Variants in SRGAP1 observed in about 807,000 individuals in gnomAD.
SRGAP1 encodes the protein SLIT-ROBO Rho GTPase-activating protein 1.
Under a neutral mutation model 121.9 loss-of-function variants are expected in SRGAP1, and 43 were observed. That is an observed-to-expected ratio of 0.35 (90% CI 0.28 to 0.46). The LOEUF (loss-of-function observed/expected upper bound fraction) is 0.46. SRGAP1 is among the 20% of genes least tolerant of loss of function. SRGAP1 has a pLI of 1.00. For synonymous variants in SRGAP1, 447 were observed against 485.4 expected (o/e 0.92, Z 1.04); for missense variants, 1,102 against 1,350.9 (o/e 0.82, Z 2.89).
Position 63,857,782 on chromosome 12 carries a change from G to A in SRGAP1, c.67+12899G>A, listed in dbSNP as rs111675055. On this transcript the variant is annotated intron_variant, in intron 1 of 21. Coordinates refer to ENST00000355086, the MANE Select transcript of SRGAP1 (RefSeq NM_020762.4). ...ACACTCATTATTTATAAATAAAGAT[G>A]ATTTTATTTTCTCATTTATAAGCCC... 7.6e-4 allele frequency among the ~76,000 whole-genome samples: 115 copies of A among 152,228 alleles called. 1 individual carries two copies. Among genetic ancestry groups the A allele is most frequent in the African/African-American group, 2.7e-3 (113 of 41,554 alleles).
intron 1 of SRGAP1, among the ~76,000 whole-genome samples, chr12:63,864,642 A>G (rs1899562332): frequency 1.3e-5 from 2 of 152,216 alleles, no homozygotes; most frequent in Admixed American, 1.3e-4. Context: ...AATGCTCAAA[A>G]TATGTGAAAG....
At chr12:64,141,272 T>TAA (rs977006357) in intron 21 of SRGAP1, among the ~76,000 whole-genome samples, 5 of 48,212 alleles carry the variant, frequency 1.0e-4, no homozygotes, top group Admixed American at 2.0e-4. Flanking sequence ...TAAAGTATAA[T>TAA]AAAAAAAAAA....
chr12:64,138,853 T>G (rs2036907637), intron 21 of SRGAP1, among the ~76,000 whole-genome samples: 1 of 152,116 alleles, frequency 6.6e-6, no homozygotes, highest in South Asian at 2.1e-4. Context: ...GTTAATTGAG[T>G]TAACTCAAAT....
At position 64,033,318 on chromosome 12, in the gene SRGAP1, A is replaced by C. The variant is rs916422206; in HGVS notation, c.490-9472A>C. 3.9e-5 allele frequency among the ~76,000 whole-genome samples: 6 copies of C among 152,136 alleles called. 1 individual carries two copies. Among genetic ancestry groups the C allele is most frequent in the Admixed American group, 2.0e-4 (3 of 15,262 alleles). ...AAATTCAAACTGTTATGCTGATTTC[A>C]TTTCAGTGGAGTCACAACGTATCTC... On this transcript the variant is annotated intron_variant, in intron 4 of 21. Coordinates refer to ENST00000355086, the MANE Select transcript of SRGAP1 (RefSeq NM_020762.4).
intron 1 of SRGAP1, among the ~76,000 whole-genome samples, chr12:63,852,870 T>G (rs1307107122): frequency 6.6e-6 from 1 of 152,138 alleles, no homozygotes; most frequent in Non-Finnish European, 1.5e-5. Flanking sequence ...AATCATTGTC[T>G]GTGCATCTCC....
intron 1 of SRGAP1, among the ~76,000 whole-genome samples, chr12:63,936,736 G>T (rs141663028): frequency 1.0e-3 from 154 of 152,214 alleles, no homozygotes; most frequent in Non-Finnish European, 1.4e-3. Context: ...AGTTTGAATT[G>T]GGCCCAAAGT....
intron 3 of SRGAP1, among the ~76,000 whole-genome samples, chr12:64,010,784 A>G (rs1223900063): frequency 6.6e-6 from 1 of 151,988 alleles, no homozygotes; most frequent in Non-Finnish European, 1.5e-5. Flanking sequence ...CTTTTTTGTC[A>G]GTGGAAAAAC....
At chr12:63,928,014 A>G (rs1478328482) in intron 1 of SRGAP1, among the ~76,000 whole-genome samples, 1 of 152,128 alleles carries the variant, frequency 6.6e-6, no homozygotes, top group African/African-American at 2.4e-5. Flanking sequence ...CTTGATGTCT[A>G]ACAGAACCAG....
chr12:63,880,579 G>A (rs1489016611), intron 1 of SRGAP1, among the ~76,000 whole-genome samples: 6 of 151,898 alleles, frequency 4.0e-5, no homozygotes, highest in Admixed American at 6.6e-5. Flanking sequence ...GTATTTCTTC[G>A]TAGCAGTATG....
chr12:64,101,827 T>TTTTCATTCC (rs1279396458), intron 15 of SRGAP1, among the ~76,000 whole-genome samples: 1 of 152,186 alleles, frequency 6.6e-6, no homozygotes, highest in Non-Finnish European at 1.5e-5. Context: ...AGATGAAACT[T>TTTTCATTCC]TTTCATTCCA....
chr12:63,983,841 T>TAAATAAAA (rs2033338470), intron 1 of SRGAP1, 106 bp from the exon 2 acceptor site: 1 of 106,716 alleles, frequency 9.4e-6, no homozygotes, highest in Non-Finnish European at 1.8e-5. Context: ...TATATATATA[T>TAAATAAAA]ATATATATAT....
intron 1 of SRGAP1, among the ~76,000 whole-genome samples, chr12:63,858,947 C>A (rs1899349957): frequency 6.6e-6 from 1 of 152,178 alleles, no homozygotes; most frequent in Admixed American, 6.5e-5. Flanking sequence ...AGGTGATCCA[C>A]CCGCCTCGGC....
chr12:63,943,328 G>A (rs2031929857), intron 1 of SRGAP1, among the ~76,000 whole-genome samples: 1 of 152,214 alleles, frequency 6.6e-6, no homozygotes, highest in East Asian at 1.9e-4. Flanking sequence ...TACCATCAAA[G>A]AGAAATCTTT....
intron 1 of SRGAP1, among the ~76,000 whole-genome samples, chr12:63,891,912 G>A (rs1300738875): frequency 2.0e-5 from 3 of 149,030 alleles, no homozygotes; most frequent in Admixed American, 6.8e-5. Context: ...CTTGAACCCA[G>A]GAGGCAGAGG....
chr12:64,010,346 G>A (rs1023413634), intron 3 of SRGAP1, among the ~76,000 whole-genome samples: 1 of 152,088 alleles, frequency 6.6e-6, no homozygotes, highest in Non-Finnish European at 1.5e-5. Context: ...GTACTCATAC[G>A]TGGTTGTTTT....
At chr12:63,961,988 A>G (rs1048863371) in intron 1 of SRGAP1, among the ~76,000 whole-genome samples, 7 of 152,158 alleles carry the variant, frequency 4.6e-5, no homozygotes, top group Admixed American at 3.9e-4. Context: ...GAGGAAATTA[A>G]ATGATCTGGG....
At chr12:63,947,475 G>A (rs530967300) in intron 1 of SRGAP1, among the ~76,000 whole-genome samples, 1 of 152,264 alleles carries the variant, frequency 6.6e-6, no homozygotes, top group Non-Finnish European at 1.5e-5. Context: ...GTTAATTTTG[G>A]TTTATGGTGT....
chr12:64,081,510 A>G lies in SRGAP1; in HGVS notation c.1408+1140A>G, dbSNP rs377142494. 1.3e-4 allele frequency: 20 copies of G among 152,202 alleles called. No homozygotes were observed. In the East Asian group the frequency reaches 3.7e-3, roughly 28 times the overall value. The allele number at this position is 152,202 out of a possible 1,614,324, so 9.4% of individuals were successfully genotyped here. ...ACAACGCAAACTACTAAAAAGTGTC[A>G]TTAAAAAATAAAATAACCAAATACA... On this transcript the variant is annotated intron_variant, in intron 10 of 21. Coordinates refer to ENST00000355086, the MANE Select transcript of SRGAP1 (RefSeq NM_020762.4).
chr12:64,021,660 A>G (rs2034552618), intron 4 of SRGAP1, among the ~76,000 whole-genome samples: 1 of 152,220 alleles, frequency 6.6e-6, no homozygotes, highest in Non-Finnish European at 1.5e-5. Context: ...TAAGATCTCT[A>G]AATGTTAATG....
Sources: allele counts gnomAD v4.1 joint callset (sites outside exome capture counted in the v4.1 genomes callset), GRCh38; gene constraint gnomAD v4.1.1; transcripts MANE v1.5; gene names NCBI Gene and HGNC (gene_info 2026-07-23, HGNC 2026-07-21).